SGTA: variants seen among roughly 807,000 people sequenced by gnomAD.
SGTA encodes small glutamine rich tetratricopeptide repeat co-chaperone alpha.
A neutral mutation model predicts 44.3 loss-of-function variants in SGTA; 22 were observed. The ratio of observed to expected loss-of-function variants is 0.50; its 90% CI spans 0.36 to 0.71. The LOEUF (loss-of-function observed/expected upper bound fraction) is 0.71, where lower values mean the gene tolerates loss of function less well. Ranked by LOEUF, SGTA falls within the 30% of genes least tolerant of loss-of-function variation. The probability of loss-of-function intolerance (pLI) is 0.00; values close to 1 mark genes in which losing one functional copy is unlikely to be tolerated. For synonymous variants in SGTA, 174 were observed against 177.6 expected, an observed-to-expected ratio of 0.98 and a Z score of 0.16; for missense variants, 341 against 435.9, an observed-to-expected ratio of 0.78 and a Z score of 1.94.
chr19:2,775,659 C>T (rs957118679), intron 1 of SGTA, among the ~76,000 whole-genome samples: 12 of 152,150 alleles, frequency 7.9e-5, no homozygotes, highest in Admixed American at 7.2e-4. Context: ...AGGAAGGAGA[C>T]GCGTGGGTGC....
chr19:2,776,849 G>C (rs891040577), intron 1 of SGTA, among the ~76,000 whole-genome samples: 2 of 152,134 alleles, frequency 1.3e-5, no homozygotes, highest in Non-Finnish European at 2.9e-5. Context: ...TGTAGTCCCA[G>C]CTACTCAGGA....
chr19:2,768,557 G>A (rs766221410), intron 2 of SGTA, among the ~76,000 whole-genome samples: 57 of 152,232 alleles, frequency 3.7e-4, no homozygotes, highest in Admixed American at 5.9e-4. Context: ...CCTGGGGAGC[G>A]GACAGGCCAT....
intron 1 of SGTA, among the ~76,000 whole-genome samples, chr19:2,782,911 G>A (rs897804559): frequency 6.6e-6 from 1 of 152,160 alleles, no homozygotes; most frequent in Non-Finnish European, 1.5e-5. Context: ...GTTTCCAGGC[G>A]GTTAATAAGA....
intron 8 of SGTA, among the ~76,000 whole-genome samples, chr19:2,760,290 G>A (rs573717516): frequency 4.6e-5 from 7 of 151,982 alleles, no homozygotes; most frequent in South Asian, 2.1e-4. Flanking sequence ...GGGCCGAGGC[G>A]GGTGGATCAC....
intron 1 of SGTA, among the ~76,000 whole-genome samples, chr19:2,781,347 G>A (rs1915570308): frequency 1.3e-5 from 2 of 152,124 alleles, no homozygotes; most frequent in African/African-American, 2.4e-5. Context: ...TTATTTTAGG[G>A]GTCAGCAAAG....
intron 1 of SGTA, among the ~76,000 whole-genome samples, chr19:2,772,126 A>G (rs1286739640): frequency 6.6e-6 from 1 of 152,160 alleles, no homozygotes; most frequent in African/African-American, 2.4e-5. Flanking sequence ...CGCATGAGGC[A>G]AGGGGCAGGC....
intron 11 of SGTA, 30 bp downstream of exon 11, chr19:2,757,307 A>T: frequency 6.3e-7 from 1 of 1,593,620 alleles, no homozygotes; most frequent in Non-Finnish European, 8.5e-7. Context: ...CCTGCTGGCC[A>T]CCCCCCAGCC....
In SGTA at chr19:2,767,258, TCCCAACCTGGCACCCTC is replaced by T. The variant is rs1346996525; in HGVS notation, c.208-55_208-39del. 1 of 1,514,986 alleles carries T rather than the reference TCCCAACCTGGCACCCTC, an allele frequency of 6.6e-7. No homozygotes were observed. Among genetic ancestry groups the T allele is most frequent in the Non-Finnish European group, 9.0e-7 (1 of 1,106,620 alleles). 93.8% of individuals were successfully genotyped at this position (1,514,986 alleles called of 1,614,324 possible). ...GCAAAGGCGGCCCGCTGTCCTCTCC[TCCCAACCTGGCACCCTC>T]CGGCCTTAGCTTCCCTCGGGACGCC... On this transcript the variant is annotated intron_variant, in intron 3 of 11. Coordinates refer to ENST00000221566, the MANE Select transcript of SGTA (RefSeq NM_003021.4). This position sits in a 1 kb window ranked among gnomAD's most constrained non-coding sequence, Gnocchi z 7.3.
Position 2,763,069 on chromosome 19 carries a change from T to TCTTC in SGTA, c.498-429_498-426dup, listed in dbSNP as rs776498278. On this transcript the variant is annotated intron_variant, in intron 6 of 11. Coordinates refer to ENST00000221566, the MANE Select transcript of SGTA (RefSeq NM_003021.4). The surrounding 1 kb of genome is among the most constrained non-coding windows in gnomAD (Gnocchi z 5.8). Reference sequence around the variant, plus strand: ...AGCCCCTGACCCCCACCTGAGTGAGTCTTCACTCGTGAGGTGACTCAGGGC... The same window carrying TCTTC: ...AGCCCCTGACCCCCACCTGAGTGAGTCTTCCTTCACTCGTGAGGTGACTCAGGGC... 1.4e-5 allele frequency among the ~76,000 whole-genome samples: 2 copies of TCTTC among 146,924 alleles called. No homozygotes were observed. The highest frequency in any genetic ancestry group is 2.6e-5 in the African/African-American group (1 of 38,606).
Position 2,759,233 on chromosome 19 carries a change from C to T in SGTA, c.737+24G>A, listed in dbSNP as rs182593676. On this transcript the variant is annotated intron_variant, in intron 9 of 11. Transcript: ENST00000221566. The stretch of plus-strand genomic sequence containing the variant: ...AAGGAAATTTAACCACAACAAGACC[C>T]GAAGAAACCCGGTTGTCACTTACAG... 2.5e-3 allele frequency: 4,090 copies of T among 1,612,120 alleles called. 18 individuals are homozygous for T. Among genetic ancestry groups the T allele is most frequent in the Non-Finnish European group, 3.1e-3 (3,653 of 1,178,330 alleles).
rs558318050 is a variant in SGTA at position 2,767,650 on chromosome 19, G to A, written c.137C>T (p.Thr46Met). ...GAGCGCAAGGTCACTGTCTTCTACC[G>A]TCACCCCAAACGCAGTCTCCAGGCA... is the stretch of plus-strand genomic sequence containing the variant. The part of the protein sequence containing the change: ...IQCLETAFGV[T>M]VEDSDLALPQ... Residue 46 changes from threonine to methionine, a missense_variant, in exon 3 of 12, where the codon ACG (threonine) becomes ATG (methionine). Coordinates refer to ENST00000221566, the MANE Select transcript of SGTA (RefSeq NM_003021.4). This position sits in a 1 kb window ranked among gnomAD's most constrained non-coding sequence, Gnocchi z 7.3. 2 of 1,613,716 alleles carry A rather than the reference G, an allele frequency of 1.2e-6. No individual in the cohort carries two copies. The highest frequency in any genetic ancestry group is 1.3e-5 in the African/African-American group (1 of 75,054).
chr19:2,778,639 C>A (rs1159978830), intron 1 of SGTA, among the ~76,000 whole-genome samples: 1 of 152,146 alleles, frequency 6.6e-6, no homozygotes, highest in Non-Finnish European at 1.5e-5. Context: ...GCCACGGATC[C>A]CCAAGAGACT....
At position 2,757,357 on chromosome 19, in the gene SGTA, C is replaced by A; in HGVS notation, c.928G>T (p.Asp310Tyr). 6.2e-7 allele frequency: 1 copy of A among 1,603,312 alleles called. No individual in the cohort carries two copies. Among genetic ancestry groups the A allele is most frequent in the South Asian group, 1.1e-5 (1 of 91,074 alleles). ...RSRTPSASND[D>Y]QQE ...CTCACGCAGCGTCACTCCTGCTGGT[C>A]GTCGTTGCTGGCGCTGGGCGTCCGA... The change falls in exon 11 of 12, where the codon GAC becomes TAC. Residue 310 changes from aspartate to tyrosine, a missense_variant. Transcript: ENST00000221566.
At chr19:2,778,870 C>T (rs1367969688) in intron 1 of SGTA, among the ~76,000 whole-genome samples, 1 of 152,246 alleles carries the variant, frequency 6.6e-6, no homozygotes, top group Non-Finnish European at 1.5e-5. Flanking sequence ...TGGGGACCCC[C>T]TGATTTCCAC....
Position 2,765,090 on chromosome 19 carries a change from C to A in SGTA, c.392+96G>T, listed in dbSNP as rs747078170. The A allele has an allele frequency of 2.0e-5, 16 of 817,796 alleles. No homozygotes were observed. The highest frequency in any genetic ancestry group is 9.7e-5 in the Admixed American group (5 of 51,650). 50.7% of individuals were successfully genotyped at this position (817,796 alleles called of 1,614,324 possible). On this transcript the variant is annotated intron_variant, in intron 5 of 11. Coordinates refer to ENST00000221566, the MANE Select transcript of SGTA (RefSeq NM_003021.4). The surrounding 1 kb of genome is among the most constrained non-coding windows in gnomAD (Gnocchi z 5.5). ...CGGTGAATGGATCCCTCATCTACAG[C>A]GCAGAGGCCTCTCCCATCTCAGGTC...
chr19:2,769,104 G>A lies in SGTA; in HGVS notation c.-23-13C>T. The A allele has an allele frequency of 1.9e-6, 3 of 1,553,180 alleles. No homozygotes were observed. The highest frequency in any genetic ancestry group is 2.2e-5 in the East Asian group (1 of 44,488). On this transcript the variant is annotated splice_polypyrimidine_tract_variant and intron_variant, in intron 1 of 11. Coordinates refer to ENST00000221566, the MANE Select transcript of SGTA (RefSeq NM_003021.4). ...GAAGAGGTGATACCTGGGGGTGCAG[G>A]AAAAACCCCCATCAGGCCCCCTCAC...
chr19:2,757,971 G>C (rs28649503), intron 9 of SGTA, among the ~76,000 whole-genome samples, 189 bp from the exon 10 acceptor site: 3,076 of 152,268 alleles, frequency 0.02, 109 homozygotes, highest in African/African-American at 0.071. Context: ...TGCTTTCCCA[G>C]AACACCCCTC....
chr19:2,763,534 T>C lies in SGTA; in HGVS notation c.497+119A>G. ...CGAACAGCTAGTGTCAGAGTTGAACTGAACCGGGGTGGGAGAATTCGTTGT... is the reference window on the plus strand; with the variant it reads ...CGAACAGCTAGTGTCAGAGTTGAACCGAACCGGGGTGGGAGAATTCGTTGT... On this transcript the variant is annotated intron_variant, in intron 6 of 11. Transcript: ENST00000221566. The surrounding 1 kb of genome is among the most constrained non-coding windows in gnomAD (Gnocchi z 5.8). 1.5e-6 allele frequency: 1 copy of C among 670,230 alleles called. No homozygotes were observed. Among genetic ancestry groups the C allele is most frequent in the African/African-American group, 1.8e-5 (1 of 55,784 alleles). 41.5% of individuals were successfully genotyped at this position (670,230 alleles called of 1,614,324 possible).
chr19:2,766,002 A>G (rs1003675028), intron 4 of SGTA, among the ~76,000 whole-genome samples: 1 of 152,186 alleles, frequency 6.6e-6, no homozygotes, highest in Non-Finnish European at 1.5e-5. Flanking sequence ...GCGGATCGCA[A>G]GATCAGGAGA....
Sources: gnomAD v4.1 joint callset for allele counts (sites outside exome capture counted in the v4.1 genomes callset) on GRCh38, gnomAD v4.1.1 for gene constraint, Gnocchi (gnomAD v3.1) non-coding constraint, MANE v1.5 for transcripts, NCBI Gene and HGNC (gene_info 2026-07-23, HGNC 2026-07-21) for gene names.